TSHZ2: variants seen among roughly 807,000 people sequenced by gnomAD.
TSHZ2 encodes the protein teashirt zinc finger homeobox 2.
TSHZ2 carries 21 observed loss-of-function variants against 74.4 expected under a neutral mutation model. The ratio of observed to expected loss-of-function variants is 0.28; its 90% CI spans 0.20 to 0.41. The LOEUF is 0.41. Among genes scored for constraint, TSHZ2 ranks in the 10% least tolerant of loss-of-function variants. The probability of loss-of-function intolerance (pLI) is 1.00; values close to 1 mark genes in which losing one functional copy is unlikely to be tolerated. For synonymous variants in TSHZ2, 540 were observed against 515.3 expected (o/e 1.05, Z -0.65); for missense variants, 1,244 against 1,293.5 (o/e 0.96, Z 0.59).
chr20:53,486,263 T>C (rs1168778542), intron 2 of TSHZ2, among the ~76,000 whole-genome samples: 3 of 152,240 alleles, frequency 2.0e-5, no homozygotes, highest in African/African-American at 7.2e-5. Flanking sequence ...TTCCGTCGCA[T>C]GTACATATCA....
intron 2 of TSHZ2, among the ~76,000 whole-genome samples, chr20:53,418,664 A>G (rs747983946): frequency 2.6e-5 from 4 of 152,176 alleles, no homozygotes; most frequent in Non-Finnish European, 4.4e-5. Context: ...CACAACATGT[A>G]GGAATTCAAG....
At chr20:53,199,120 C>T (rs150375819) in intron 1 of TSHZ2, among the ~76,000 whole-genome samples, 265 of 152,274 alleles carry the variant, frequency 1.7e-3, no homozygotes, top group African/African-American at 6.2e-3. Context: ...ACAAAGCCAT[C>T]GTTACAGAGC....
intron 2 of TSHZ2, among the ~76,000 whole-genome samples, chr20:53,444,686 G>T (rs1408550002): frequency 6.6e-6 from 1 of 152,202 alleles, no homozygotes; most frequent in Non-Finnish European, 1.5e-5. Context: ...TCTAGCCCGG[G>T]AAGTTTCTAG....
intron 1 of TSHZ2, among the ~76,000 whole-genome samples, chr20:53,238,836 T>TAA (rs746136673): frequency 0.016 from 1,058 of 65,422 alleles, 12 homozygotes; most frequent in African/African-American, 0.021. Context: ...ATCTTATATC[T>TAA]AAAAAAAAAA....
At chr20:53,337,920 T>C (rs1980020419) in intron 2 of TSHZ2, among the ~76,000 whole-genome samples, 1 of 152,208 alleles carries the variant, frequency 6.6e-6, no homozygotes, top group Admixed American at 6.5e-5. Flanking sequence ...GAATCACTGA[T>C]TGGAATATGG....
chr20:53,467,404 T>A (rs1985594251), intron 2 of TSHZ2, among the ~76,000 whole-genome samples: 1 of 152,244 alleles, frequency 6.6e-6, no homozygotes, highest in Non-Finnish European at 1.5e-5. Flanking sequence ...TATGCATGTA[T>A]TTTTAATTTA....
intron 1 of TSHZ2, among the ~76,000 whole-genome samples, chr20:52,985,277 G>T (rs1475744464): frequency 6.6e-6 from 1 of 152,074 alleles, no homozygotes. Context: ...TTTCTCATTA[G>T]CAAAACAGAC....
At chr20:53,390,720 G>T (rs60517673) in intron 2 of TSHZ2, among the ~76,000 whole-genome samples, 1 of 152,130 alleles carries the variant, frequency 6.6e-6, no homozygotes, top group Non-Finnish European at 1.5e-5. Flanking sequence ...TTGAGGAATC[G>T]CCACACTGTC....
intron 1 of TSHZ2, among the ~76,000 whole-genome samples, chr20:53,248,852 C>T (rs1278934582): frequency 6.6e-6 from 1 of 152,010 alleles, no homozygotes; most frequent in Non-Finnish European, 1.5e-5. Flanking sequence ...CATTTCATTT[C>T]ATTTTAGACA....
At chr20:53,059,487 C>T (rs954475145) in intron 1 of TSHZ2, among the ~76,000 whole-genome samples, 11 of 152,050 alleles carry the variant, frequency 7.2e-5, no homozygotes, top group African/African-American at 2.7e-4. Flanking sequence ...AGATGATTTA[C>T]AAAAATGAAA....
intron 2 of TSHZ2, among the ~76,000 whole-genome samples, chr20:53,387,078 C>T (rs572489131): frequency 2.4e-4 from 36 of 152,294 alleles, no homozygotes; most frequent in Non-Finnish European, 4.6e-4. Context: ...CTCCCTGGCT[C>T]CTGACTTCAC....
Position 53,074,457 on chromosome 20 carries a change from C to G in TSHZ2, c.40+101124C>G, listed in dbSNP as rs576759291. ...AAGTCAGAATGAGATGGATGCAGTA[C>G]GAAGTGTAGAAATCCAACAAATGTG... is the stretch of plus-strand genomic sequence containing the variant. On this transcript the variant is annotated intron_variant, in intron 1 of 2. Transcript: ENST00000371497. This position sits in a 1 kb window ranked among gnomAD's most constrained non-coding sequence, Gnocchi z 5.9. Among the ~76,000 whole-genome samples the G allele has an allele frequency of 1.3e-5, 2 of 151,998 alleles. No individual in the cohort carries two copies. The highest frequency in any genetic ancestry group is 2.9e-5 in the Non-Finnish European group (2 of 68,008).
chr20:53,442,404 C>T (rs1168567887), intron 2 of TSHZ2, among the ~76,000 whole-genome samples: 1 of 152,102 alleles, frequency 6.6e-6, no homozygotes, highest in Non-Finnish European at 1.5e-5. Flanking sequence ...ATAGGCCACT[C>T]GAAGCTGCAC....
chr20:53,433,576 GACACACAGACAC>G (rs766796996), intron 2 of TSHZ2, among the ~76,000 whole-genome samples: 1,396 of 76,702 alleles, frequency 0.018, 9 homozygotes, highest in South Asian at 0.088. Flanking sequence ...CAGACACACA[GACACACAGACAC>G]ACACACACAC....
chr20:52,989,332 A>G (rs1981890032), intron 1 of TSHZ2, among the ~76,000 whole-genome samples: 1 of 152,190 alleles, frequency 6.6e-6, no homozygotes, highest in Non-Finnish European at 1.5e-5. Flanking sequence ...TTAATCTAAT[A>G]AGAAATGGAA....
chr20:53,372,585 A>G (rs1054764751), intron 2 of TSHZ2, among the ~76,000 whole-genome samples: 10 of 152,172 alleles, frequency 6.6e-5, no homozygotes, highest in Admixed American at 3.3e-4. Flanking sequence ...CTTGTCTCCA[A>G]GGTCTCTTCC....
At chr20:53,323,429 G>GA (rs752789781) in intron 2 of TSHZ2, among the ~76,000 whole-genome samples, 9 of 152,106 alleles carry the variant, frequency 5.9e-5, no homozygotes, top group Admixed American at 4.6e-4. Context: ...ATGAATGAAT[G>GA]ATGTAGTTAA....
chr20:53,413,582 G>C (rs1345147459), intron 2 of TSHZ2, among the ~76,000 whole-genome samples: 2 of 152,204 alleles, frequency 1.3e-5, no homozygotes, highest in Non-Finnish European at 2.9e-5. Flanking sequence ...TGGTGGGTAG[G>C]AGATGACACG....
chr20:53,272,564 C>G (rs1181157124), intron 2 of TSHZ2, among the ~76,000 whole-genome samples: 1 of 152,148 alleles, frequency 6.6e-6, no homozygotes, highest in Non-Finnish European at 1.5e-5. Flanking sequence ...ACTTACGTCT[C>G]TCATCCGTGA....
Sources: allele counts gnomAD v4.1 joint callset (sites outside exome capture counted in the v4.1 genomes callset), GRCh38; gene constraint gnomAD v4.1.1; non-coding constraint Gnocchi (gnomAD v3.1); transcripts MANE v1.5; gene names NCBI Gene and HGNC (gene_info 2026-07-23, HGNC 2026-07-21).